Variants in HACD2 observed in about 807,000 individuals in gnomAD.
HACD2 encodes the protein very-long-chain (3R)-3-hydroxyacyl-CoA dehydratase 2.
In HACD2, 15 loss-of-function variants were observed where a neutral mutation model predicts 31.0. That is an observed-to-expected ratio of 0.48 (90% confidence interval 0.32 to 0.75). The LOEUF (loss-of-function observed/expected upper bound fraction) is 0.75. Ranked by LOEUF, HACD2 falls within the 30% of genes least tolerant of loss-of-function variation. HACD2 has a pLI of 0.03. For synonymous variants in HACD2, 115 were observed against 122.2 expected (o/e 0.94, Z 0.39); for missense variants, 283 against 313.0 (o/e 0.90, Z 0.72).
chr3:123,553,989 T>A (rs1165295304), intron 3 of HACD2, among the ~76,000 whole-genome samples: 2 of 148,478 alleles, frequency 1.3e-5, no homozygotes, highest in Non-Finnish European at 1.5e-5. Flanking sequence ...TATATTATTC[T>A]TCCCTTGACT....
At chr3:123,537,727 T>G (rs1330837093) in intron 3 of HACD2, among the ~76,000 whole-genome samples, 1 of 152,188 alleles carries the variant, frequency 6.6e-6, no homozygotes, top group Non-Finnish European at 1.5e-5. Flanking sequence ...CATATTAATA[T>G]ACATGTGAAG....
chr3:123,526,170 G>A (rs537604531), intron 4 of HACD2, among the ~76,000 whole-genome samples: 68 of 152,296 alleles, frequency 4.5e-4, no homozygotes, highest in Middle Eastern at 3.4e-3. Context: ...GGCCTCTGAG[G>A]GGCCACAGCA....
chr3:123,513,571 CA>C (rs1051354689), intron 4 of HACD2, among the ~76,000 whole-genome samples: 8 of 152,138 alleles, frequency 5.3e-5, no homozygotes, highest in African/African-American at 1.7e-4. Context: ...AAAATTGACA[CA>C]AGGCCATGAG....
rs73857673 is a variant in HACD2 at position 123,561,614 on chromosome 3, G to T, written c.292+6148C>A. Among the ~76,000 whole-genome samples, 909 of 151,414 alleles carry T rather than the reference G, an allele frequency of 6.0e-3. 9 individuals carry two copies. The highest frequency in any genetic ancestry group is 0.021 in the African/African-American group (883 of 41,462). ...CACCTCTAATCCCCATCCATAAAGAGGGGAACCATATTGCAGAGTCAGCTG... is the reference window on the plus strand; with the variant it reads ...CACCTCTAATCCCCATCCATAAAGATGGGAACCATATTGCAGAGTCAGCTG... On this transcript the variant is annotated intron_variant, in intron 3 of 6. Transcript: ENST00000383657.
chr3:123,534,798 T>TTGTGTATGTGTGTGTGTG (rs1553759161), intron 3 of HACD2, among the ~76,000 whole-genome samples: 3 of 149,090 alleles, frequency 2.0e-5, no homozygotes, highest in Non-Finnish European at 3.0e-5. Context: ...AGACGTAGGC[T>TTGTGTATGTGTGTGTGTG]TGTGTGTGTG....
chr3:123,503,764 C>T (rs1394465208), intron 4 of HACD2, among the ~76,000 whole-genome samples: 1 of 151,356 alleles, frequency 6.6e-6, no homozygotes, highest in African/African-American at 2.4e-5. Flanking sequence ...GAAATCCCAC[C>T]CCATAAACCG....
At chr3:123,581,036 G>C (rs935134466) in intron 2 of HACD2, among the ~76,000 whole-genome samples, 1 of 151,980 alleles carries the variant, frequency 6.6e-6, no homozygotes, top group Non-Finnish European at 1.5e-5. Flanking sequence ...TAGCCAGGAC[G>C]GTCTCAATCT....
At position 123,585,011 on chromosome 3, in the gene HACD2, G is replaced by T; in HGVS notation, c.17C>A (p.Ala6Glu). The part of the protein sequence containing the change: MAAVA[A>E]TAAAKGNGGG... ...CCCATTCCCCTTCGCTGCTGCAGTC[G>T]CCGCCACTGCCGCCATGTCAAGTGC... The change falls in exon 1 of 7, where the codon GCG becomes GAG. Residue 6 changes from alanine (A) to glutamate (E), a missense_variant. Ala to Glu is a moderately radical substitution (Grantham distance 107). This residue lies in a region of HACD2 where 158 missense variants were observed against 148.3 expected (regional missense o/e 1.07). Transcript: ENST00000383657. 1 of 1,505,014 alleles carries T rather than the reference G, an allele frequency of 6.6e-7. No individual in the cohort carries two copies. The highest frequency in any genetic ancestry group is 2.2e-5 in the Admixed American group (1 of 45,780). The allele number at this position is 1,505,014 out of a possible 1,614,324, so 93.2% of individuals were successfully genotyped here. A position where few individuals can be genotyped will look rare whatever the true frequency, so the allele number is the denominator to read the frequency against.
At chr3:123,563,644 T>TATACAC (rs372632504) in intron 3 of HACD2, among the ~76,000 whole-genome samples, 56 of 112,066 alleles carry the variant, frequency 5.0e-4, no homozygotes, top group Non-Finnish European at 7.9e-4. Flanking sequence ...AAAATATATA[T>TATACAC]ACACACACAC....
intron 6 of HACD2, chr3:123,499,713 T>C (rs2055879942): frequency 4.4e-6 from 2 of 450,638 alleles, no homozygotes; most frequent in Admixed American, 4.9e-5. Context: ...GTTATAGAAA[T>C]AGCAAAATGA....
At chr3:123,507,240 C>T (rs1019968132) in intron 4 of HACD2, among the ~76,000 whole-genome samples, 7 of 152,122 alleles carry the variant, frequency 4.6e-5, no homozygotes, top group South Asian at 2.1e-4. Flanking sequence ...GGGTGACGAG[C>T]AAGACCCTGT....
chr3:123,569,738 A>G (rs1379927863), intron 2 of HACD2, among the ~76,000 whole-genome samples: 2 of 152,002 alleles, frequency 1.3e-5, no homozygotes, highest in Admixed American at 1.3e-4. Flanking sequence ...GTATAATCCC[A>G]GCACTTTGGG....
chr3:123,518,036 C>CA lies in HACD2; in HGVS notation c.381+10349dup, dbSNP rs2056168315. Among the ~76,000 whole-genome samples, 3 of 11,360 alleles carry CA rather than the reference C, an allele frequency of 2.6e-4. 1 individual carries two copies. The highest frequency in any genetic ancestry group is 0.011 in the Non-Finnish European group (1 of 92). The allele number at this position is 11,360 out of a possible 152,430, so 7.5% of individuals were successfully genotyped here. On this transcript the variant is annotated intron_variant, in intron 4 of 6. Transcript: ENST00000383657. The stretch of plus-strand genomic sequence containing the variant: ...TGAAACCCCGTCTCTACTAAAAATA[C>CA]AAAAAATTAGCCGGGCGTAGTGGCG...
intron 3 of HACD2, among the ~76,000 whole-genome samples, chr3:123,551,304 C>T (rs1416873307): frequency 1.3e-5 from 2 of 152,072 alleles, no homozygotes; most frequent in Non-Finnish European, 2.9e-5. Flanking sequence ...CCACGCCTGC[C>T]ACCCAGTAGA....
At chr3:123,584,774 C>T in intron 1 of HACD2, 99 bp downstream of exon 1, 4 of 994,156 alleles carry the variant, frequency 4.0e-6, no homozygotes, top group Non-Finnish European at 4.1e-6. Flanking sequence ...GAATGCACTG[C>T]CTGCGGCGGG....
chr3:123,550,866 G>A (rs187746409), intron 3 of HACD2, among the ~76,000 whole-genome samples: 73 of 152,270 alleles, frequency 4.8e-4, no homozygotes, highest in African/African-American at 1.6e-3. Flanking sequence ...GAAGAGAAAG[G>A]TTATGGGCCA....
intron 4 of HACD2, among the ~76,000 whole-genome samples, chr3:123,504,639 C>T (rs904840657): frequency 1.3e-5 from 2 of 152,072 alleles, no homozygotes; most frequent in African/African-American, 4.8e-5. Context: ...TAGACCTCAG[C>T]CAAAAGAACT....
intron 2 of HACD2, among the ~76,000 whole-genome samples, chr3:123,580,166 CAAAA>C (rs60618268): frequency 8.1e-6 from 1 of 123,886 alleles, no homozygotes. Flanking sequence ...GGCCCTGTGT[CAAAA>C]AAAAAAAAGA....
chr3:123,567,735 A>T, intron 3 of HACD2, 27 bp downstream of exon 3: 1 of 1,400,532 alleles, frequency 7.1e-7, no homozygotes, highest in South Asian at 1.5e-5. Context: ...TTCACTGTAC[A>T]TAGTAGGGGG....
Sources: allele counts gnomAD v4.1 joint callset (sites outside exome capture counted in the v4.1 genomes callset), GRCh38; gene constraint gnomAD v4.1.1; regional missense constraint gnomAD v4.1.1; transcripts MANE v1.5; gene names NCBI Gene and HGNC (gene_info 2026-07-23, HGNC 2026-07-21).